Variants in GPR149 observed in about 807,000 individuals in gnomAD.
GPR149 encodes probable G protein-coupled receptor 149.
Under a neutral mutation model 50.2 loss-of-function variants are expected in GPR149, and 50 were observed. The observed-to-expected ratio is 1.00, with a 90% CI of 0.79 to 1.26. The LOEUF (loss-of-function observed/expected upper bound fraction) is 1.26. Among genes scored for constraint, GPR149 ranks in the 50% most tolerant of loss-of-function variants. The pLI, the probability that GPR149 is intolerant of heterozygous loss-of-function variation, is 0.00. For synonymous variants in GPR149, 405 were observed against 358.2 expected (o/e 1.13, Z -1.48); for missense variants, 983 against 895.4 (o/e 1.10, Z -1.25).
intron 3 of GPR149, among the ~76,000 whole-genome samples, chr3:154,397,827 A>G (rs1023640351): frequency 2.6e-5 from 4 of 152,166 alleles, no homozygotes; most frequent in Non-Finnish European, 1.5e-5. Context: ...TGAGTTTAGC[A>G]TATACCTTAG....
chr3:154,381,936 T>C (rs577721484), intron 3 of GPR149, among the ~76,000 whole-genome samples: 1 of 152,312 alleles, frequency 6.6e-6, no homozygotes, highest in South Asian at 2.1e-4. Flanking sequence ...ATGCGTCAAA[T>C]AGATGCTAAA....
Position 154,409,869 on chromosome 3 carries a change from A to G in GPR149, c.1623+11170T>C, listed in dbSNP as rs184675515. On this transcript the variant is annotated intron_variant, in intron 3 of 3. Transcript: ENST00000389740. ...AGACATCTGGACATCCAAATACAAG[A>G]AAGTCAAAGAATACCTGGGAAATTC... Among the ~76,000 whole-genome samples, 7 of 152,300 alleles carry G rather than the reference A, an allele frequency of 4.6e-5. No homozygotes were observed. In the East Asian group the frequency reaches 1.2e-3, roughly 25 times the overall value.
At chr3:154,414,395 T>C (rs1711927922) in intron 3 of GPR149, among the ~76,000 whole-genome samples, 1 of 152,024 alleles carries the variant, frequency 6.6e-6, no homozygotes, top group Non-Finnish European at 1.5e-5. Flanking sequence ...ATTCATAATA[T>C]ACAAAGAATG....
At chr3:154,384,674 T>C (rs1160819920) in intron 3 of GPR149, among the ~76,000 whole-genome samples, 3 of 152,246 alleles carry the variant, frequency 2.0e-5, no homozygotes, top group Non-Finnish European at 4.4e-5. Context: ...GCCTGCTCAC[T>C]GTTACACAAT....
intron 3 of GPR149, among the ~76,000 whole-genome samples, chr3:154,370,557 C>T (rs1269818201): frequency 6.6e-6 from 1 of 152,144 alleles, no homozygotes. Flanking sequence ...AGGTGCACTG[C>T]TCCAGAGGAT....
At chr3:154,410,441 G>T (rs957197599) in intron 3 of GPR149, among the ~76,000 whole-genome samples, 1 of 152,144 alleles carries the variant, frequency 6.6e-6, no homozygotes, top group Non-Finnish European at 1.5e-5. Context: ...CAGAATGGCA[G>T]AGTGGATAAG....
intron 3 of GPR149, among the ~76,000 whole-genome samples, chr3:154,418,505 G>A (rs1232547518): frequency 2.6e-5 from 2 of 77,142 alleles, no homozygotes; most frequent in African/African-American, 1.3e-4. Context: ...ATGAGTTCAT[G>A]TCCTTTGTAG....
chr3:154,378,920 A>G (rs1714857857), intron 3 of GPR149, among the ~76,000 whole-genome samples: 1 of 152,154 alleles, frequency 6.6e-6, no homozygotes, highest in African/African-American at 2.4e-5. Flanking sequence ...CTGGTTTGTA[A>G]GAGTTCTTTA....
intron 3 of GPR149, among the ~76,000 whole-genome samples, chr3:154,400,404 TGG>T (rs1711525643): frequency 6.6e-6 from 1 of 152,196 alleles, no homozygotes. Context: ...TAATATGTAG[TGG>T]TTGTGTCAAT....
At chr3:154,355,744 T>C (rs1203018104) in intron 3 of GPR149, among the ~76,000 whole-genome samples, 2 of 152,200 alleles carry the variant, frequency 1.3e-5, no homozygotes, top group African/African-American at 4.8e-5. Context: ...TAAGCACTCA[T>C]TCAATTGGAT....
intron 3 of GPR149, among the ~76,000 whole-genome samples, chr3:154,403,091 T>C (rs952278580): frequency 6.6e-6 from 1 of 152,174 alleles, no homozygotes; most frequent in Non-Finnish European, 1.5e-5. Context: ...TAGTAGTGTA[T>C]AGCAGGGCTT....
chr3:154,351,492 C>T (rs567385672), intron 3 of GPR149, among the ~76,000 whole-genome samples: 1 of 152,148 alleles, frequency 6.6e-6, no homozygotes, highest in East Asian at 1.9e-4. Context: ...GGTTATTAGA[C>T]TTGACACAAA....
intron 2 of GPR149, among the ~76,000 whole-genome samples, chr3:154,426,736 A>G (rs1475469626): frequency 6.6e-6 from 1 of 152,084 alleles, no homozygotes; most frequent in East Asian, 1.9e-4. Flanking sequence ...TTCTAGGTGT[A>G]CTCTTCAGAC....
intron 3 of GPR149, among the ~76,000 whole-genome samples, chr3:154,369,455 A>G (rs919202309): frequency 6.6e-6 from 1 of 152,196 alleles, no homozygotes; most frequent in Non-Finnish European, 1.5e-5. Context: ...AGCTTTGCCC[A>G]AATGACAGAG....
At chr3:154,368,478 G>A (rs1040365092) in intron 3 of GPR149, among the ~76,000 whole-genome samples, 2 of 152,188 alleles carry the variant, frequency 1.3e-5, no homozygotes, top group Non-Finnish European at 2.9e-5. Context: ...ATTTTCATGT[G>A]AATAGTAAAA....
At chr3:154,393,323 G>C (rs1715213263) in intron 3 of GPR149, among the ~76,000 whole-genome samples, 2 of 151,930 alleles carry the variant, frequency 1.3e-5, no homozygotes, top group African/African-American at 4.8e-5. Flanking sequence ...CAGAATAAAA[G>C]ATAAGAACCA....
At chr3:154,345,749 T>G (rs902472901) in intron 3 of GPR149, among the ~76,000 whole-genome samples, 8 of 152,138 alleles carry the variant, frequency 5.3e-5, no homozygotes, top group African/African-American at 1.9e-4. Context: ...GCAGCAAAAT[T>G]TTCTCCTAAG....
chr3:154,386,362 C>T (rs144384481), intron 3 of GPR149, among the ~76,000 whole-genome samples: 43 of 152,308 alleles, frequency 2.8e-4, no homozygotes, highest in Non-Finnish European at 1.5e-5. Flanking sequence ...CCTTTGTTTG[C>T]AACAGTACAG....
chr3:154,365,270 G>T (rs911195976), intron 3 of GPR149, among the ~76,000 whole-genome samples: 1 of 152,156 alleles, frequency 6.6e-6, no homozygotes, highest in East Asian at 1.9e-4. Flanking sequence ...AAACCCCAAG[G>T]TTCCACAGGT....
Sources: gnomAD v4.1 joint callset for allele counts (sites outside exome capture counted in the v4.1 genomes callset) on GRCh38, gnomAD v4.1.1 for gene constraint, MANE v1.5 for transcripts, NCBI Gene and HGNC (gene_info 2026-07-23, HGNC 2026-07-21) for gene names.